FAM20A: variants seen among roughly 807,000 people sequenced by gnomAD.
The protein encoded by FAM20A is pseudokinase FAM20A.
A neutral mutation model predicts 52.0 loss-of-function variants in FAM20A; 42 were observed. That is an observed-to-expected ratio of 0.81 (90% CI 0.63 to 1.04). FAM20A has a LOEUF of 1.04. Ranked by LOEUF, FAM20A falls within the 50% of genes least tolerant of loss-of-function variation. The pLI, the probability that FAM20A is intolerant of heterozygous loss-of-function variation, is 0.00. For missense variants in FAM20A, 742 were observed against 712.7 expected, an observed-to-expected ratio of 1.04 and a Z score of -0.47; for synonymous variants, 304 against 298.9, an observed-to-expected ratio of 1.02 and a Z score of -0.18.
At chr17:68,584,037 C>G (rs911626756) in intron 1 of FAM20A, among the ~76,000 whole-genome samples, 1 of 152,218 alleles carries the variant, frequency 6.6e-6, no homozygotes. Flanking sequence ...TAAGATCTGG[C>G]TGGGTGTGGT....
At chr17:68,539,471 C>T in intron 9 of FAM20A, 75 bp from the exon 10 acceptor site, 1 of 1,360,534 alleles carries the variant, frequency 7.4e-7, no homozygotes, top group Non-Finnish European at 1.1e-6. Flanking sequence ...TCTCTCCTCT[C>T]AGCATTTTGT....
At position 68,547,478 on chromosome 17, in the gene FAM20A, G is replaced by A. The variant is rs544331304; in HGVS notation, c.720-3757C>T. Reference sequence around the variant, plus strand: ...GAAAACCTATTGTTAGTGTAGCTACGTTCATCAATGATCTTAGCTAGATCT... The same window carrying A: ...GAAAACCTATTGTTAGTGTAGCTACATTCATCAATGATCTTAGCTAGATCT... On this transcript the variant is annotated intron_variant, in intron 4 of 10. Coordinates refer to ENST00000592554, the MANE Select transcript of FAM20A (RefSeq NM_017565.4). Among the ~76,000 whole-genome samples, 171 of 152,298 alleles carry A rather than the reference G, an allele frequency of 1.1e-3. 2 individuals carry two copies. The highest frequency in any genetic ancestry group is 5.2e-4 in the Admixed American group (8 of 15,298).
Position 68,537,499 on chromosome 17 carries a change from C to T in FAM20A, c.1604G>A (p.Gly535Asp), listed in dbSNP as rs777997757. Reference protein sequence around the residue: ...GPVEQLAPDSGQANLTS With the variant: ...GPVEQLAPDSDQANLTS ...CCCTTAGCTTGTCAAGTTAGCCTGGCCAGAGTCTGGGGCCAACTGTTCCAC... is the reference window on the plus strand; with the variant it reads ...CCCTTAGCTTGTCAAGTTAGCCTGGTCAGAGTCTGGGGCCAACTGTTCCAC... Residue 535 changes from glycine to aspartate, a missense_variant, in exon 11 of 11, where the codon GGC becomes GAC. By Grantham distance (94) the Gly-to-Asp change is moderately conservative. Transcript: ENST00000592554. The surrounding 1 kb of genome is among the most constrained non-coding windows in gnomAD (Gnocchi z 4.2). The T allele has an allele frequency of 1.9e-6, 3 of 1,614,000 alleles. No homozygotes were observed. The highest frequency in any genetic ancestry group is 3.3e-5 in the Admixed American group (2 of 60,016).
rs781268933 is a variant in FAM20A at position 68,537,760 on chromosome 17, A to G, written c.1362-19T>C. 22 of 1,603,042 alleles carry G rather than the reference A, an allele frequency of 1.4e-5. No individual in the cohort carries two copies. Among genetic ancestry groups the G allele is most frequent in the Non-Finnish European group, 1.9e-5 (22 of 1,174,158 alleles). On this transcript the variant is annotated intron_variant, in intron 10 of 10. Coordinates refer to ENST00000592554, the MANE Select transcript of FAM20A (RefSeq NM_017565.4). This position sits in a 1 kb window ranked among gnomAD's most constrained non-coding sequence, Gnocchi z 4.2. Reference sequence around the variant, plus strand: ...TTTTATCCTGAAAAGACAAAGTTACAGGAACCAAATAAGCAAATGTAAAGA... The same window carrying G: ...TTTTATCCTGAAAAGACAAAGTTACGGGAACCAAATAAGCAAATGTAAAGA...
Position 68,589,811 on chromosome 17 carries a change from CAA to C in FAM20A, c.404+10450_404+10451del, listed in dbSNP as rs954871566. ...TGTTTAAAAAGTTAATCAATGAAAA[CAA>C]GAAGGATAATACGATTATTAATGCA... On this transcript the variant is annotated intron_variant, in intron 1 of 10. Coordinates refer to ENST00000592554, the MANE Select transcript of FAM20A (RefSeq NM_017565.4). Among the ~76,000 whole-genome samples the C allele has an allele frequency of 8.5e-5, 13 of 152,120 alleles. 1 individual carries two copies. In the East Asian group the frequency reaches 1.9e-3, roughly 23 times the overall value.
At chr17:68,554,131 T>C (rs916049888) in intron 3 of FAM20A, among the ~76,000 whole-genome samples, 10 of 150,948 alleles carry the variant, frequency 6.6e-5, no homozygotes, top group African/African-American at 1.5e-4. Context: ...CACACACATA[T>C]ATATATATAT....
chr17:68,545,631 G>C (rs1201162946), intron 4 of FAM20A, among the ~76,000 whole-genome samples: 1 of 152,218 alleles, frequency 6.6e-6, no homozygotes, highest in Non-Finnish European at 1.5e-5. Context: ...AGACAATAAT[G>C]AAGTTTGCTG....
intron 1 of FAM20A, among the ~76,000 whole-genome samples, chr17:68,564,279 A>G (rs2087309599): frequency 6.6e-6 from 1 of 152,220 alleles, no homozygotes. Context: ...GAATGCTGAT[A>G]CTACCTCCTA....
chr17:68,553,928 GCAT>G (rs2086958543), intron 3 of FAM20A, among the ~76,000 whole-genome samples: 4 of 115,630 alleles, frequency 3.5e-5, no homozygotes, highest in Admixed American at 3.2e-4. Flanking sequence ...ACACATATAT[GCAT>G]ATATACATAT....
intron 1 of FAM20A, among the ~76,000 whole-genome samples, chr17:68,583,425 C>T (rs1054169243): frequency 8.5e-5 from 13 of 152,214 alleles, no homozygotes; most frequent in African/African-American, 3.1e-4. Flanking sequence ...TGTTCCTCAA[C>T]CTGTGACCAC....
intron 4 of FAM20A, among the ~76,000 whole-genome samples, chr17:68,550,872 A>G (rs1296124875): frequency 6.6e-6 from 1 of 152,210 alleles, no homozygotes; most frequent in Non-Finnish European, 1.5e-5. Flanking sequence ...GCTTTCGCCA[A>G]AGCAGTTGGG....
In FAM20A at chr17:68,600,969, G is replaced by T. The variant is rs894812759; in HGVS notation, c.-303C>A. The T allele has an allele frequency of 6.5e-5, 17 of 262,390 alleles. No individual in the cohort carries two copies. The highest frequency in any genetic ancestry group is 1.1e-4 in the Non-Finnish European group (15 of 140,712). The allele number at this position is 262,390 out of a possible 1,614,324, so 16.3% of individuals were successfully genotyped here. Reference sequence around the variant, plus strand: ...CTTGCGCCTTTTCTCCCGTGCGCCCGCCCGCCCGGACGCTCGCGGCAGGTG... The same window carrying T: ...CTTGCGCCTTTTCTCCCGTGCGCCCTCCCGCCCGGACGCTCGCGGCAGGTG... On this transcript the variant is annotated 5_prime_UTR_variant, in exon 1 of 11. Transcript: ENST00000592554. The surrounding 1 kb of genome is among the most constrained non-coding windows in gnomAD (Gnocchi z 6.2).
intron 1 of FAM20A, among the ~76,000 whole-genome samples, chr17:68,597,781 A>G (rs944705648): frequency 1.2e-4 from 18 of 152,070 alleles, no homozygotes; most frequent in African/African-American, 4.1e-4. Context: ...AAGGTCCTTC[A>G]TTGTTTCTTC....
At chr17:68,568,085 C>G (rs1598045747) in intron 1 of FAM20A, among the ~76,000 whole-genome samples, 1 of 151,894 alleles carries the variant, frequency 6.6e-6, no homozygotes, top group African/African-American at 2.4e-5. Context: ...CAGTCATTGG[C>G]TATGACTGTT....
chr17:68,555,895 T>G, intron 1 of FAM20A, 152 bp from the exon 2 acceptor site: 1 of 972,730 alleles, frequency 1.0e-6, no homozygotes, highest in Non-Finnish European at 1.6e-6. Flanking sequence ...GCTTAGGATA[T>G]CTTGGGGAGC....
chr17:68,552,666 CTTTTTTT>C lies in FAM20A; in HGVS notation c.641-722_641-716del, dbSNP rs576230517. 9.4e-4 allele frequency among the ~76,000 whole-genome samples: 63 copies of C among 66,848 alleles called. 1 individual carries two copies. The highest frequency in any genetic ancestry group is 6.8e-3 in the East Asian group (14 of 2,074). The allele number at this position is 66,848 out of a possible 152,430, so 43.9% of individuals were successfully genotyped here. A position where few individuals can be genotyped will look rare whatever the true frequency, so the allele number is the denominator to read the frequency against. On this transcript the variant is annotated intron_variant, in intron 3 of 10. Transcript: ENST00000592554. ...TGGAGCCCTGTAAACCTTTATTTTC[CTTTTTTT>C]TTTTTTTTTTTTTTTTTTTGAGACG...
rs1327001807 is a variant in FAM20A at position 68,551,958 on chromosome 17, A to G, written c.641-7T>C. The G allele has an allele frequency of 6.4e-7, 1 of 1,570,796 alleles. No individual in the cohort carries two copies. The highest frequency in any genetic ancestry group is 8.7e-7 in the Non-Finnish European group (1 of 1,153,504). On this transcript the variant is annotated splice_polypyrimidine_tract_variant and splice_region_variant and intron_variant, in intron 3 of 10. Transcript: ENST00000592554. Reference sequence around the variant, plus strand: ...ACCCCACTGGGTTTCACAACTGTGAAAGGCAGAAGGGTGAGTTAACCATGC... The same window carrying G: ...ACCCCACTGGGTTTCACAACTGTGAGAGGCAGAAGGGTGAGTTAACCATGC...
intron 1 of FAM20A, among the ~76,000 whole-genome samples, chr17:68,594,340 A>G (rs2088391577): frequency 6.6e-6 from 1 of 151,556 alleles, no homozygotes; most frequent in Non-Finnish European, 1.5e-5. Context: ...CGGAGCTTGC[A>G]GTGAGCCGAG....
At chr17:68,551,313 C>G in intron 4 of FAM20A, 1 of 415,150 alleles carries the variant, frequency 2.4e-6, no homozygotes, top group East Asian at 3.6e-5. Flanking sequence ...TTAATGTAAA[C>G]ATGTAATTGA....
Sources: gnomAD v4.1 joint callset for allele counts (sites outside exome capture counted in the v4.1 genomes callset) on GRCh38, gnomAD v4.1.1 for gene constraint, Gnocchi (gnomAD v3.1) non-coding constraint, MANE v1.5 for transcripts, NCBI Gene and HGNC (gene_info 2026-07-23, HGNC 2026-07-21) for gene names.